The following ZFAT variants were observed in gnomAD, a reference collection of about 807,000 sequenced individuals.
The protein encoded by ZFAT is zinc finger and AT-hook domain containing, also known as zinc finger protein ZFAT.
In ZFAT, 64 loss-of-function variants were observed where a neutral mutation model predicts 117.7. The observed-to-expected ratio is 0.54, with a 90% confidence interval of 0.44 to 0.67. The LOEUF is 0.67. ZFAT is among the 30% of genes least tolerant of loss of function. ZFAT has a pLI of 0.00. For missense variants in ZFAT, 1,433 were observed against 1,584.5 expected (o/e 0.90, Z 1.62); for synonymous variants, 679 against 615.0 (o/e 1.10, Z -1.54).
chr8:134,789,070 A>T, the ZFAT span, among the ~76,000 whole-genome samples: 9 of 152,302 alleles, frequency 5.9e-5, no homozygotes, highest in African/African-American at 1.9e-4. Flanking sequence ...CTATTTTGCA[A>T]CTTTAAATTT....
chr8:134,494,222 C>T (rs1367982636), intron 15 of ZFAT, among the ~76,000 whole-genome samples: 2 of 152,216 alleles, frequency 1.3e-5, no homozygotes, highest in African/African-American at 2.4e-5. Flanking sequence ...AACCTTTCAG[C>T]TTTTTCTCAC....
At chr8:134,557,488 TA>T (rs377096461) in intron 11 of ZFAT, among the ~76,000 whole-genome samples, 2 of 152,358 alleles carry the variant, frequency 1.3e-5, no homozygotes, top group African/African-American at 4.8e-5. Flanking sequence ...ATTGATTCAC[TA>T]GTTGTAACAA....
At chr8:134,510,407 T>G (rs1819735934) in intron 14 of ZFAT, among the ~76,000 whole-genome samples, 1 of 152,174 alleles carries the variant, frequency 6.6e-6, no homozygotes, top group Admixed American at 6.5e-5. Flanking sequence ...GAGAAATGAC[T>G]GCTTGATCTC....
intron 11 of ZFAT, among the ~76,000 whole-genome samples, chr8:134,545,993 A>G (rs554122914): frequency 6.6e-6 from 1 of 152,374 alleles, no homozygotes; most frequent in East Asian, 1.9e-4. Context: ...TATGACGACT[A>G]TAGAGAACTT....
At chr8:134,682,845 G>C (rs1833136377) in intron 1 of ZFAT, among the ~76,000 whole-genome samples, 1 of 152,100 alleles carries the variant, frequency 6.6e-6, no homozygotes, top group African/African-American at 2.4e-5. Flanking sequence ...CTGTAAGCCT[G>C]GCTTCTGAGC....
the ZFAT span, among the ~76,000 whole-genome samples, chr8:134,798,561 CA>C: frequency 6.6e-6 from 1 of 151,992 alleles, no homozygotes; most frequent in East Asian, 1.9e-4. Context: ...TGCATTAATT[CA>C]AACAAGAAAA....
At chr8:134,506,237 AATCACCTTATTTAAT>A (rs1819398535) in intron 15 of ZFAT, among the ~76,000 whole-genome samples, 2 of 152,248 alleles carry the variant, frequency 1.3e-5, no homozygotes, top group Non-Finnish European at 2.9e-5. Context: ...TAACAAAAGT[AATCACCTTATTTAAT>A]GAAAACTGTC....
intron 15 of ZFAT, among the ~76,000 whole-genome samples, chr8:134,492,058 G>T (rs1818094397): frequency 6.7e-6 from 1 of 150,172 alleles, no homozygotes; most frequent in African/African-American, 2.5e-5. Context: ...TGCATGTGTA[G>T]GAATCTATGA....
the ZFAT span, among the ~76,000 whole-genome samples, chr8:134,760,322 T>C: frequency 2.7e-4 from 40 of 149,772 alleles, no homozygotes; most frequent in Non-Finnish European, 2.8e-4. Flanking sequence ...CATCTTCCCA[T>C]GGATTATAAG....
At chr8:134,828,240 T>TA in the ZFAT span, among the ~76,000 whole-genome samples, 1 of 152,172 alleles carries the variant, frequency 6.6e-6, no homozygotes, top group Admixed American at 6.5e-5. Flanking sequence ...GAGCCTGTAC[T>TA]AAAAAAATCA....
chr8:134,597,530 A>C (rs1391837630), intron 7 of ZFAT: 4 of 152,040 alleles, frequency 2.6e-5, no homozygotes, highest in Admixed American at 2.6e-4. Flanking sequence ...GGCCCTTTCC[A>C]GGAAAATTTT....
At chr8:134,759,520 T>C in the ZFAT span, among the ~76,000 whole-genome samples, 1 of 152,018 alleles carries the variant, frequency 6.6e-6, no homozygotes, top group African/African-American at 2.4e-5. Flanking sequence ...AAATCAAACC[T>C]TTGGTGGAGG....
At chr8:134,486,609 CTGT>C (rs1563761758) in intron 15 of ZFAT, among the ~76,000 whole-genome samples, 1 of 152,166 alleles carries the variant, frequency 6.6e-6, no homozygotes, top group Non-Finnish European at 1.5e-5. Context: ...GTTGGCACTC[CTGT>C]TGTTCTCAGG....
At chr8:134,595,941 G>C (rs963845942) in intron 7 of ZFAT, among the ~76,000 whole-genome samples, 1 of 152,152 alleles carries the variant, frequency 6.6e-6, no homozygotes, top group Admixed American at 6.5e-5. Flanking sequence ...AATCTCCTTT[G>C]TTTCTGCTCT....
chr8:134,766,875 A>G, the ZFAT span: 1 of 152,224 alleles, frequency 6.6e-6, no homozygotes, highest in African/African-American at 2.4e-5. Flanking sequence ...CCATGACACC[A>G]CAGCCTTCAC....
chr8:134,573,323 A>C (rs560747283), intron 10 of ZFAT, among the ~76,000 whole-genome samples: 47 of 152,348 alleles, frequency 3.1e-4, no homozygotes, highest in African/African-American at 1.1e-3. Context: ...ATAACACAAC[A>C]AAACAAGAAC....
At chr8:134,564,092 T>C (rs902442766) in intron 11 of ZFAT, among the ~76,000 whole-genome samples, 3 of 150,172 alleles carry the variant, frequency 2.0e-5, no homozygotes, top group Non-Finnish European at 4.4e-5. Flanking sequence ...GAGACAGAGG[T>C]TGCAGTGAGC....
chr8:134,729,083 C>G, the ZFAT span, among the ~76,000 whole-genome samples: 2 of 152,198 alleles, frequency 1.3e-5, no homozygotes, highest in South Asian at 2.1e-4. Context: ...CATATCTTTT[C>G]CAACTAATAG....
the ZFAT span, among the ~76,000 whole-genome samples, chr8:134,751,653 GCA>G: frequency 6.6e-6 from 1 of 152,178 alleles, no homozygotes; most frequent in Non-Finnish European, 1.5e-5. Flanking sequence ...GGCTGTACCT[GCA>G]AAGACAGATC....
Sources: allele counts gnomAD v4.1 joint callset (sites outside exome capture counted in the v4.1 genomes callset), GRCh38; gene constraint gnomAD v4.1.1; transcripts MANE v1.5; gene names NCBI Gene and HGNC (gene_info 2026-07-23, HGNC 2026-07-21).